NDST3: variants seen among roughly 807,000 people sequenced by gnomAD.
NDST3 encodes the protein N-deacetylase and N-sulfotransferase 3.
A neutral mutation model predicts 96.1 loss-of-function variants in NDST3; 58 were observed. That is an observed-to-expected ratio of 0.60 (90% confidence interval 0.49 to 0.75). The LOEUF is 0.75. NDST3 is among the 30% of genes least tolerant of loss of function. The pLI is 0.00. For missense variants in NDST3, 788 were observed against 1,034.2 expected, an observed-to-expected ratio of 0.76 and a Z score of 3.27; for synonymous variants, 333 against 359.7, an observed-to-expected ratio of 0.93 and a Z score of 0.84.
chr4:118,176,313 T>C (rs571611700), intron 6 of NDST3, among the ~76,000 whole-genome samples: 3 of 152,244 alleles, frequency 2.0e-5, no homozygotes, highest in East Asian at 1.9e-4. Flanking sequence ...ACTTCATCCA[T>C]ACATTTAACA....
chr4:118,133,210 G>A (rs949194434), intron 4 of NDST3, among the ~76,000 whole-genome samples: 3 of 152,166 alleles, frequency 2.0e-5, no homozygotes, highest in Non-Finnish European at 4.4e-5. Flanking sequence ...TTGGCCCATG[G>A]TGGCAAGACT....
At chr4:118,129,537 T>C (rs1732424005) in intron 4 of NDST3, among the ~76,000 whole-genome samples, 3 of 152,098 alleles carry the variant, frequency 2.0e-5, no homozygotes, top group Admixed American at 2.0e-4. Flanking sequence ...TATTCCATTG[T>C]TGTCAGAGAA....
At chr4:118,117,669 G>T (rs188841779) in intron 4 of NDST3, among the ~76,000 whole-genome samples, 147 of 152,266 alleles carry the variant, frequency 9.7e-4, no homozygotes, top group African/African-American at 3.3e-3. Context: ...AAGCAACTGA[G>T]AATCAGAGAA....
At chr4:118,194,740 C>T (rs1483062274) in intron 6 of NDST3, 6 of 501,232 alleles carry the variant, frequency 1.2e-5, no homozygotes, top group Non-Finnish European at 1.8e-5. Context: ...CCTTCATCTC[C>T]TCAACTGTCA....
At chr4:118,069,813 C>CCAGT (rs149824325) in intron 2 of NDST3, among the ~76,000 whole-genome samples, 1 of 151,610 alleles carries the variant, frequency 6.6e-6, no homozygotes, top group Non-Finnish European at 1.5e-5. Context: ...TTGTTTTTGA[C>CCAGT]CAGTTATTAT....
intron 12 of NDST3, among the ~76,000 whole-genome samples, chr4:118,248,168 T>A (rs999621036): frequency 6.6e-5 from 10 of 152,154 alleles, no homozygotes; most frequent in African/African-American, 2.2e-4. Flanking sequence ...CTAACCAATA[T>A]GGTGGAACCC....
At chr4:118,150,786 G>GT (rs1409443165) in intron 6 of NDST3, among the ~76,000 whole-genome samples, 2 of 151,892 alleles carry the variant, frequency 1.3e-5, no homozygotes, top group Non-Finnish European at 2.9e-5. Context: ...TACACTGTTG[G>GT]TGGGACTGTA....
chr4:118,130,040 T>G (rs974559126), intron 4 of NDST3, among the ~76,000 whole-genome samples: 2 of 152,086 alleles, frequency 1.3e-5, no homozygotes, highest in Non-Finnish European at 2.9e-5. Flanking sequence ...GCATGGAATA[T>G]CTTTTCACAT....
At chr4:118,237,334 T>C (rs1740707485) in intron 10 of NDST3, 114 bp downstream of exon 10, 13 of 829,954 alleles carry the variant, frequency 1.6e-5, no homozygotes, top group Non-Finnish European at 2.0e-5. Flanking sequence ...TGCTAGTTGT[T>C]TGATATCTAC....
At chr4:118,135,046 C>T (rs2125895073) in intron 4 of NDST3, among the ~76,000 whole-genome samples, 1 of 152,332 alleles carries the variant, frequency 6.6e-6, no homozygotes, top group South Asian at 2.1e-4. Flanking sequence ...AGTCTGCCTT[C>T]CGGATCACAC....
chr4:118,036,084 TTC>T lies in NDST3; in HGVS notation c.-156+1494_-156+1495del, dbSNP rs1345873475. ...AGAAGAGATAATCAGGCATTGGAGA[TTC>T]TTTTTCTAAACCATATATTCTGCTA... On this transcript the variant is annotated intron_variant, in intron 1 of 13. Transcript: ENST00000296499. 2.6e-5 allele frequency among the ~76,000 whole-genome samples: 4 copies of T among 152,102 alleles called. No homozygotes were observed. The East Asian group carries it at 7.7e-4, about 29-fold the overall frequency.
At chr4:118,148,288 ACT>A (rs1734104510) in intron 6 of NDST3, among the ~76,000 whole-genome samples, 1 of 152,028 alleles carries the variant, frequency 6.6e-6, no homozygotes, top group Non-Finnish European at 1.5e-5. Context: ...ACAGAGCGAG[ACT>A]CTGTCTCAAA....
chr4:118,106,032 T>G (rs1730155609), intron 3 of NDST3, among the ~76,000 whole-genome samples: 2 of 152,120 alleles, frequency 1.3e-5, no homozygotes, highest in Admixed American at 6.6e-5. Flanking sequence ...CATATTAGGG[T>G]TTTAATGTAC....
intron 6 of NDST3, among the ~76,000 whole-genome samples, chr4:118,146,867 T>C (rs768758126): frequency 2.2e-4 from 34 of 152,170 alleles, no homozygotes; most frequent in Admixed American, 7.9e-4. Flanking sequence ...GAGATTTCCA[T>C]TTTTCTAATA....
At chr4:118,130,086 G>C (rs1296317891) in intron 4 of NDST3, among the ~76,000 whole-genome samples, 1 of 152,002 alleles carries the variant, frequency 6.6e-6, no homozygotes, top group East Asian at 1.9e-4. Context: ...CTTTATAAGT[G>C]AAGTGTGTTT....
chr4:118,117,855 T>C (rs1227275363), intron 4 of NDST3, among the ~76,000 whole-genome samples: 2 of 152,218 alleles, frequency 1.3e-5, no homozygotes, highest in East Asian at 3.9e-4. Context: ...AAGATTTCTT[T>C]TCTGCTGGTA....
intron 3 of NDST3, among the ~76,000 whole-genome samples, chr4:118,106,149 A>G (rs1186443932): frequency 1.3e-5 from 2 of 152,140 alleles, no homozygotes; most frequent in African/African-American, 2.4e-5. Context: ...AATGATTTGT[A>G]GAAATTCTTT....
At chr4:118,161,955 C>A (rs892614915) in intron 6 of NDST3, among the ~76,000 whole-genome samples, 21 of 152,278 alleles carry the variant, frequency 1.4e-4, no homozygotes, top group African/African-American at 5.1e-4. Flanking sequence ...AATCACCCGT[C>A]TTCTGCATCG....
intron 6 of NDST3, among the ~76,000 whole-genome samples, chr4:118,177,184 G>A (rs1370028816): frequency 1.3e-5 from 2 of 151,998 alleles, no homozygotes; most frequent in African/African-American, 2.4e-5. Context: ...GAACAAGTTT[G>A]TGAAGATAAT....
Sources: gnomAD v4.1 joint callset for allele counts (sites outside exome capture counted in the v4.1 genomes callset) on GRCh38, gnomAD v4.1.1 for gene constraint, MANE v1.5 for transcripts, NCBI Gene and HGNC (gene_info 2026-07-23, HGNC 2026-07-21) for gene names.